ITPR1: variants seen among roughly 807,000 people sequenced by gnomAD.
ITPR1 encodes the protein inositol 1,4,5-trisphosphate receptor type 1, also known as inositol 1,4,5-trisphosphate-gated calcium channel ITPR1.
ITPR1 carries 96 observed loss-of-function variants against 318.4 expected under a neutral mutation model. The ratio of observed to expected loss-of-function variants is 0.30; its 90% CI spans 0.26 to 0.36. The LOEUF (loss-of-function observed/expected upper bound fraction) is 0.36, where lower values mean the gene tolerates loss of function less well. Ranked by LOEUF, ITPR1 falls within the 10% of genes least tolerant of loss-of-function variation. The probability of loss-of-function intolerance (pLI) is 1.00; values close to 1 mark genes in which losing one functional copy is unlikely to be tolerated. For missense variants in ITPR1, 2,440 were observed against 3,460.2 expected (o/e 0.71, Z 7.40); for synonymous variants, 1,312 against 1,289.9 (o/e 1.02, Z -0.37).
chr3:4,763,598 C>G (rs1412439378), intron 44 of ITPR1, among the ~76,000 whole-genome samples: 1 of 152,202 alleles, frequency 6.6e-6, no homozygotes, highest in Non-Finnish European at 1.5e-5. Flanking sequence ...GTCTTCTAGA[C>G]CTTATTATCC....
chr3:4,537,906 G>A (rs550327988), intron 4 of ITPR1, among the ~76,000 whole-genome samples: 18 of 152,150 alleles, frequency 1.2e-4, no homozygotes, highest in East Asian at 1.9e-4. Flanking sequence ...TTATTTGTGC[G>A]TTCTTTTTTT....
intron 54 of ITPR1, among the ~76,000 whole-genome samples, chr3:4,803,523 G>A (rs1163554875): frequency 3.9e-5 from 6 of 152,200 alleles, no homozygotes; most frequent in East Asian, 1.9e-4. Flanking sequence ...CGCTGTTAAC[G>A]TGAGCTGCGG....
In ITPR1 at chr3:4,674,259, G is replaced by A. The variant is rs2094143087; in HGVS notation, c.2514G>A (p.Met838Ile). ...DEIKERFAQT[M>I]EFVEEYLRDV... ...TTAAGGAGAGATTTGCTCAGACCAT[G>A]GAGTTTGTGGAGGAGTATTTAAGAG... The change falls in exon 22 of 62, where the codon ATG becomes ATA. Residue 838 changes from methionine (M) to isoleucine (I), a missense_variant. Coordinates refer to ENST00000649015, the MANE Select transcript of ITPR1 (RefSeq NM_001378452.1). 6.3e-7 allele frequency: 1 copy of A among 1,579,810 alleles called. No homozygotes were observed. Among genetic ancestry groups the A allele is most frequent in the African/African-American group, 1.3e-5 (1 of 74,462 alleles).
chr3:4,541,461 G>C (rs778314075), intron 4 of ITPR1, among the ~76,000 whole-genome samples: 1 of 151,386 alleles, frequency 6.6e-6, no homozygotes, highest in Non-Finnish European at 1.5e-5. Flanking sequence ...TTTCCCCTCT[G>C]GTTACTTTAG....
intron 4 of ITPR1, among the ~76,000 whole-genome samples, chr3:4,626,699 C>T (rs907812797): frequency 7.9e-5 from 12 of 152,168 alleles, no homozygotes; most frequent in Admixed American, 2.0e-4. Context: ...AGTGAGGGGA[C>T]AAGGGCACAG....
intron 2 of ITPR1, among the ~76,000 whole-genome samples, chr3:4,510,187 T>C (rs1307716389): frequency 6.6e-6 from 1 of 152,056 alleles, no homozygotes; most frequent in East Asian, 1.9e-4. Context: ...AGAGACAGCA[T>C]GTGCAAAGGC....
rs1559630339 is a variant in ITPR1, at chr3:4,658,296, C to T, written c.1151+18C>T. On this transcript the variant is annotated intron_variant, in intron 13 of 61. Coordinates refer to ENST00000649015, the MANE Select transcript of ITPR1 (RefSeq NM_001378452.1). The stretch of plus-strand genomic sequence containing the variant: ...GTCCCAAGGTATCATTTTAAAATTG[C>T]TTTTCCCCAAAGAATCAGGCCTGGT... 1 of 1,592,948 alleles carries T rather than the reference C, an allele frequency of 6.3e-7. No individual in the cohort carries two copies. Among genetic ancestry groups the T allele is most frequent in the South Asian group, 1.1e-5 (1 of 89,008 alleles).
chr3:4,796,817 C>A (rs1370913287), intron 53 of ITPR1, among the ~76,000 whole-genome samples: 3 of 152,208 alleles, frequency 2.0e-5, no homozygotes. Context: ...AAGTCCTTGT[C>A]ATCCTTTATG....
intron 44 of ITPR1, among the ~76,000 whole-genome samples, chr3:4,738,904 G>A (rs188875106): frequency 1.6e-4 from 25 of 151,936 alleles, no homozygotes; most frequent in African/African-American, 5.1e-4. Context: ...GGAAGGGTGC[G>A]GGTGTGGCCG....
Position 4,642,206 on chromosome 3 carries a change from GTTTTATA to G in ITPR1, c.483_489del (p.Tyr162SerfsTer15). The G allele has an allele frequency of 6.3e-7, 1 of 1,593,016 alleles. No homozygotes were observed. Among genetic ancestry groups the G allele is most frequent in the Non-Finnish European group, 8.5e-7 (1 of 1,172,558 alleles). On this transcript the variant is annotated frameshift_variant, in exon 7 of 62. Transcript: ENST00000649015. LOFTEE classifies it high-confidence loss of function. ...ACGAGGCTGGAAATGAAGGGTCCTG[GTTTTATA>G]TTCAGCCATTCTACAAGCTGCGATC...
chr3:4,648,229 TA>T (rs2093509779), intron 10 of ITPR1, among the ~76,000 whole-genome samples: 1 of 152,176 alleles, frequency 6.6e-6, no homozygotes, highest in Non-Finnish European at 1.5e-5. Flanking sequence ...GGAATCTATA[TA>T]AAGTTTTTGT....
intron 4 of ITPR1, among the ~76,000 whole-genome samples, chr3:4,621,262 A>G (rs1435965737): frequency 6.6e-6 from 1 of 152,170 alleles, no homozygotes; most frequent in East Asian, 1.9e-4. Flanking sequence ...GGCAGACCTC[A>G]GGAAACTTAC....
rs565375216 is a variant in ITPR1, at chr3:4,660,997, T to C, written c.1161T>C (p.Tyr387=). Reference sequence around the variant, plus strand: ...CTTTTTTCCCTGTTAGGAACTCTTATGTTCGGCTCAGACACCTATGTACTA... The same window carrying C: ...CTTTTTTCCCTGTTAGGAACTCTTACGTTCGGCTCAGACACCTATGTACTA... ...GGDSLVPRNS[Y]VRLRHLCTNT... is the part of the protein sequence containing the mutation. The change falls in exon 14 of 62, where the codon TAT becomes TAC. Residue 387 remains tyrosine, a synonymous_variant. Transcript: ENST00000649015. 42 of 1,584,080 alleles carry C rather than the reference T, an allele frequency of 2.7e-5. No individual in the cohort carries two copies. Among genetic ancestry groups the C allele is most frequent in the Admixed American group, 1.7e-4 (10 of 58,764 alleles).
intron 40 of ITPR1, among the ~76,000 whole-genome samples, chr3:4,722,264 GT>G (rs1418197178): frequency 6.6e-6 from 1 of 152,176 alleles, no homozygotes; most frequent in Admixed American, 6.5e-5. Flanking sequence ...GCACTAGTTG[GT>G]TTCTCAGTTC....
intron 53 of ITPR1, among the ~76,000 whole-genome samples, chr3:4,797,064 G>A (rs2047946610): frequency 6.6e-6 from 1 of 152,058 alleles, no homozygotes; most frequent in African/African-American, 2.4e-5. Context: ...AGGCAAGGAT[G>A]CATGGTTTGG....
intron 4 of ITPR1, among the ~76,000 whole-genome samples, chr3:4,561,063 G>T (rs4685760): frequency 1.8e-4 from 28 of 152,028 alleles, no homozygotes; most frequent in African/African-American, 6.3e-4. Context: ...GGAGAATCTT[G>T]GGTTTAATGT....
At chr3:4,743,839 T>C (rs902448682) in intron 44 of ITPR1, among the ~76,000 whole-genome samples, 30 of 152,102 alleles carry the variant, frequency 2.0e-4, no homozygotes, top group African/African-American at 7.0e-4. Context: ...GTTTGTCTGT[T>C]TGTTTGTTTG....
chr3:4,502,723 T>G (rs190194979), intron 2 of ITPR1, among the ~76,000 whole-genome samples: 291 of 152,102 alleles, frequency 1.9e-3, no homozygotes, highest in Non-Finnish European at 3.2e-3. Flanking sequence ...ACAGGCGTGA[T>G]CCACTGCGCC....
chr3:4,515,071 G>A (rs879274375), intron 2 of ITPR1, among the ~76,000 whole-genome samples: 3 of 152,154 alleles, frequency 2.0e-5, no homozygotes, highest in African/African-American at 4.8e-5. Flanking sequence ...ATAAGTTCAT[G>A]TTTAATGAAA....
Sources: allele counts gnomAD v4.1 joint callset (sites outside exome capture counted in the v4.1 genomes callset), GRCh38; gene constraint gnomAD v4.1.1; transcripts MANE v1.5; gene names NCBI Gene and HGNC (gene_info 2026-07-23, HGNC 2026-07-21).